Variants in PAPPA observed in about 807,000 individuals in gnomAD.
The protein encoded by PAPPA is pappalysin 1.
Under a neutral mutation model 164.0 loss-of-function variants are expected in PAPPA, and 60 were observed. The observed-to-expected ratio is 0.37, with a 90% CI of 0.30 to 0.45. The LOEUF is 0.45. Ranked by LOEUF, PAPPA falls within the 20% of genes least tolerant of loss-of-function variation. PAPPA has a pLI of 1.00. For synonymous variants in PAPPA, 875 were observed against 814.1 expected (o/e 1.07, Z -1.27); for missense variants, 1,782 against 2,087.3 (o/e 0.85, Z 2.85).
chr9:116,170,827 T>C (rs1346244814), intron 1 of PAPPA, among the ~76,000 whole-genome samples: 1 of 152,014 alleles, frequency 6.6e-6, no homozygotes, highest in Non-Finnish European at 1.5e-5. Context: ...GTGCTAGGAC[T>C]GGAGGAAGAG....
chr9:116,255,295 CTCTGACATTGAGCA>C (rs1364488828), intron 7 of PAPPA, among the ~76,000 whole-genome samples: 2 of 151,966 alleles, frequency 1.3e-5, no homozygotes, highest in East Asian at 3.9e-4. Context: ...ATTGTTACAT[CTCTGACATTGAGCA>C]GATGACTGAA....
chr9:116,389,414 CAA>C (rs1399987370), intron 21 of PAPPA, among the ~76,000 whole-genome samples: 1 of 152,110 alleles, frequency 6.6e-6, no homozygotes, highest in African/African-American at 2.4e-5. Context: ...CACCTCAATG[CAA>C]AGACATACAG....
chr9:116,249,880 G>T (rs1293734277), intron 7 of PAPPA, among the ~76,000 whole-genome samples: 1 of 152,162 alleles, frequency 6.6e-6, no homozygotes, highest in Admixed American at 6.5e-5. Flanking sequence ...TCAGAGGCAG[G>T]CATACAGGGC....
At chr9:116,257,934 G>A (rs1256041755) in intron 7 of PAPPA, among the ~76,000 whole-genome samples, 1 of 151,956 alleles carries the variant, frequency 6.6e-6, no homozygotes, top group Non-Finnish European at 1.5e-5. Flanking sequence ...GTATGTGTGT[G>A]TGTGTGTAAA....
At chr9:116,346,906 T>C (rs1032698437) in intron 14 of PAPPA, 120 bp from the exon 15 acceptor site, 54 of 662,198 alleles carry the variant, frequency 8.2e-5, no homozygotes, top group Non-Finnish European at 1.2e-4. Context: ...CGTTAAACAC[T>C]AAGCATTGGT....
chr9:116,177,101 A>G (rs1008967705), intron 1 of PAPPA, among the ~76,000 whole-genome samples: 1 of 152,064 alleles, frequency 6.6e-6, no homozygotes, highest in Non-Finnish European at 1.5e-5. Flanking sequence ...CATTTCTCTG[A>G]TACTTCCCAT....
At position 116,362,572 on chromosome 9, in the gene PAPPA, T is replaced by C; in HGVS notation, c.4348-20T>C. 1 of 1,609,844 alleles carries C rather than the reference T, an allele frequency of 6.2e-7. No individual in the cohort carries two copies. Among genetic ancestry groups the C allele is most frequent in the Non-Finnish European group, 8.5e-7 (1 of 1,177,764 alleles). On this transcript the variant is annotated intron_variant, in intron 17 of 21. Coordinates refer to ENST00000328252, the MANE Select transcript of PAPPA (RefSeq NM_002581.5). ...GGCTGGTGTCTCTCTTGGTCCTAAC[T>C]CTGTTTCTCTGTTGTTCAGGGACTT...
At chr9:116,371,762 G>A (rs1846578201) in intron 19 of PAPPA, among the ~76,000 whole-genome samples, 1 of 151,786 alleles carries the variant, frequency 6.6e-6, no homozygotes, top group South Asian at 2.1e-4. Context: ...ATTGTTTTGG[G>A]TACACTCATG....
chr9:116,373,832 T>G (rs1422521434), intron 19 of PAPPA: 2 of 152,164 alleles, frequency 1.3e-5, no homozygotes, highest in Non-Finnish European at 2.9e-5. Flanking sequence ...ACTACCTATG[T>G]GTACGATTTG....
intron 17 of PAPPA, among the ~76,000 whole-genome samples, chr9:116,356,964 C>CA (rs1398452058): frequency 3.9e-5 from 6 of 152,096 alleles, no homozygotes; most frequent in South Asian, 4.2e-4. Context: ...GTAAACAAAG[C>CA]AAAATAAAAA....
chr9:116,178,836 A>G (rs1209534741), intron 1 of PAPPA, among the ~76,000 whole-genome samples: 1 of 152,220 alleles, frequency 6.6e-6, no homozygotes, highest in Non-Finnish European at 1.5e-5. Flanking sequence ...CAAAGCCAGC[A>G]TTCGAACTCA....
intron 9 of PAPPA, among the ~76,000 whole-genome samples, chr9:116,274,084 C>CA (rs11342214): frequency 0.02 from 2,761 of 140,670 alleles, 39 homozygotes; most frequent in South Asian, 0.071. Flanking sequence ...AAGCTACCTG[C>CA]AAAAAAAAAA....
chr9:116,399,170 T>C lies in PAPPA; in HGVS notation c.*2554T>C, dbSNP rs1847011179. 1 of 154,258 alleles carries C rather than the reference T, an allele frequency of 6.5e-6. No individual in the cohort carries two copies. Among genetic ancestry groups the C allele is most frequent in the Admixed American group, 6.5e-5 (1 of 15,442 alleles). The allele number at this position is 154,258 out of a possible 1,614,324, so 9.6% of individuals were successfully genotyped here. Reference sequence around the variant, plus strand: ...CTCCCATCATCATCTATTTTCACACTATCCAGCTAAGCAAAGATTCCTGGA... The same window carrying C: ...CTCCCATCATCATCTATTTTCACACCATCCAGCTAAGCAAAGATTCCTGGA... On this transcript the variant is annotated 3_prime_UTR_variant, in exon 22 of 22. Transcript: ENST00000328252.
intron 3 of PAPPA, 28 bp from the exon 4 acceptor site, chr9:116,211,611 G>T (rs1844307971): frequency 6.2e-7 from 1 of 1,604,620 alleles, no homozygotes. Flanking sequence ...TACCTAGTTT[G>T]CCTGATTCTC....
intron 5 of PAPPA, among the ~76,000 whole-genome samples, chr9:116,220,756 C>T (rs1025356850): frequency 3.3e-5 from 5 of 151,236 alleles, no homozygotes; most frequent in East Asian, 1.9e-4. Context: ...TGTGGTGGTG[C>T]GCGCCTGTAA....
At chr9:116,189,961 C>T (rs1246948143) in intron 2 of PAPPA, among the ~76,000 whole-genome samples, 2 of 152,340 alleles carry the variant, frequency 1.3e-5, no homozygotes, top group African/African-American at 2.4e-5. Flanking sequence ...TGGACTCTCA[C>T]CTTGGCTCCA....
chr9:116,227,325 C>G, intron 5 of PAPPA, 106 bp from the exon 6 acceptor site: 2 of 1,180,082 alleles, frequency 1.7e-6, no homozygotes, highest in Non-Finnish European at 2.4e-6. Context: ...GGGGGAAACA[C>G]AGATTTGTTG....
chr9:116,220,003 T>C lies in PAPPA; in HGVS notation c.1985T>C (p.Val662Ala). 2.5e-6 allele frequency: 4 copies of C among 1,614,122 alleles called. No individual in the cohort carries two copies. The highest frequency in any genetic ancestry group is 3.4e-6 in the Non-Finnish European group (4 of 1,179,996). Residue 662 changes from valine (V) to alanine (A), a missense_variant, in exon 5 of 22, where the codon GTC (valine) becomes GCC (alanine). Transcript: ENST00000328252. ...AGAATGCACTGTTACCTGGACCTGG[T>C]CTACCAGGGCTGGCAGCCCTCCAGG... ...VARMHCYLDL[V>A]YQGWQPSRKP...
At chr9:116,212,024 C>A (rs751197314) in intron 4 of PAPPA, 92 bp downstream of exon 4, 8 of 1,128,704 alleles carry the variant, frequency 7.1e-6, no homozygotes, top group African/African-American at 1.5e-5. Context: ...AGCTACTTAC[C>A]ATTTCTAAGG....
Sources: gnomAD v4.1 joint callset for allele counts (sites outside exome capture counted in the v4.1 genomes callset) on GRCh38, gnomAD v4.1.1 for gene constraint, MANE v1.5 for transcripts, NCBI Gene and HGNC (gene_info 2026-07-23, HGNC 2026-07-21) for gene names.